ROBO1: variants seen among roughly 807,000 people sequenced by gnomAD.
The protein encoded by ROBO1 is roundabout homolog 1.
ROBO1 carries 149 observed loss-of-function variants against 195.9 expected under a neutral mutation model. The ratio of observed to expected loss-of-function variants is 0.76; its 90% confidence interval spans 0.67 to 0.87. The LOEUF (loss-of-function observed/expected upper bound fraction) is 0.87, where lower values mean the gene tolerates loss of function less well. ROBO1 is among the 40% of genes least tolerant of loss of function. The probability of loss-of-function intolerance (pLI) is 0.00; values close to 1 mark genes in which losing one functional copy is unlikely to be tolerated. For missense variants in ROBO1, 1,933 were observed against 2,068.3 expected (o/e 0.93, Z 1.27); for synonymous variants, 816 against 733.2 (o/e 1.11, Z -1.82).
intron 2 of ROBO1, among the ~76,000 whole-genome samples, chr3:79,203,773 G>A (rs999473670): frequency 1.3e-5 from 2 of 152,294 alleles, no homozygotes; most frequent in Middle Eastern, 3.4e-3. Context: ...CACCAGAGGT[G>A]CAGAGGATTA....
At chr3:78,945,143 T>C (rs2040357295) in intron 3 of ROBO1, among the ~76,000 whole-genome samples, 2 of 152,156 alleles carry the variant, frequency 1.3e-5, no homozygotes, top group Admixed American at 6.5e-5. Context: ...GATTTAAATG[T>C]CCCTCTCTGA....
At chr3:79,136,448 A>T (rs1196242253) in intron 2 of ROBO1, among the ~76,000 whole-genome samples, 2 of 152,170 alleles carry the variant, frequency 1.3e-5, no homozygotes, top group East Asian at 3.9e-4. Context: ...CATTTTAAAG[A>T]TGACCATTAA....
At chr3:79,766,829 C>T (rs1464151524) in intron 1 of ROBO1, among the ~76,000 whole-genome samples, 3 of 152,286 alleles carry the variant, frequency 2.0e-5, no homozygotes, top group Non-Finnish European at 1.5e-5. Context: ...AATGCAGAGG[C>T]TCCTGGACCT....
At chr3:79,419,961 A>G (rs2038160104) in intron 2 of ROBO1, among the ~76,000 whole-genome samples, 1 of 152,120 alleles carries the variant, frequency 6.6e-6, no homozygotes, top group Admixed American at 6.6e-5. Flanking sequence ...TTTATTTCTA[A>G]TCTATGAAAT....
intron 4 of ROBO1, among the ~76,000 whole-genome samples, chr3:78,929,170 C>A (rs1359219874): frequency 6.6e-6 from 1 of 151,664 alleles, no homozygotes; most frequent in Non-Finnish European, 1.5e-5. Flanking sequence ...CAATTTAAAC[C>A]CTGGGTTAAA....
chr3:79,521,364 G>A (rs1265760043), intron 2 of ROBO1, among the ~76,000 whole-genome samples: 1 of 152,138 alleles, frequency 6.6e-6, no homozygotes, highest in Non-Finnish European at 1.5e-5. Context: ...TTTCCTTGAG[G>A]TAGAGAATAC....
chr3:79,086,641 A>G (rs976980752), intron 3 of ROBO1, among the ~76,000 whole-genome samples: 1 of 152,166 alleles, frequency 6.6e-6, no homozygotes, highest in African/African-American at 2.4e-5. Context: ...GATCATTAGG[A>G]AATGCAGCGA....
chr3:79,347,282 C>A (rs552628341), intron 2 of ROBO1, among the ~76,000 whole-genome samples: 1 of 152,072 alleles, frequency 6.6e-6, no homozygotes, highest in Non-Finnish European at 1.5e-5. Context: ...TCCTCTTCAA[C>A]GTGTGTGTGT....
At chr3:79,491,186 G>T (rs371995695) in intron 2 of ROBO1, among the ~76,000 whole-genome samples, 1 of 150,574 alleles carries the variant, frequency 6.6e-6, no homozygotes, top group Non-Finnish European at 1.5e-5. Context: ...TGCTTGGGGG[G>T]AAAAATGGAA....
At chr3:78,953,553 A>C (rs2040895924) in intron 3 of ROBO1, among the ~76,000 whole-genome samples, 1 of 152,024 alleles carries the variant, frequency 6.6e-6, no homozygotes, top group South Asian at 2.1e-4. Flanking sequence ...GGGAGGCAGA[A>C]ATATTAACAA....
At chr3:79,654,398 C>G (rs6419737) in intron 1 of ROBO1, among the ~76,000 whole-genome samples, 89,107 of 151,648 alleles carry the variant, frequency 0.59, 26,558 homozygotes, top group African/African-American at 0.67. Context: ...AATACAATAG[C>G]CTTCTATTCC....
At chr3:79,447,917 A>T (rs1206692583) in intron 2 of ROBO1, among the ~76,000 whole-genome samples, 1 of 152,146 alleles carries the variant, frequency 6.6e-6, no homozygotes, top group Non-Finnish European at 1.5e-5. Context: ...CTAGTACTAC[A>T]TCTACTAACT....
intron 3 of ROBO1, among the ~76,000 whole-genome samples, chr3:78,972,955 G>A (rs2076801573): frequency 6.6e-6 from 1 of 152,232 alleles, no homozygotes; most frequent in African/African-American, 2.4e-5. Flanking sequence ...ACAGAAAAAA[G>A]ATTTGTCTGT....
chr3:79,761,941 T>C (rs1704721287), intron 1 of ROBO1, among the ~76,000 whole-genome samples: 1 of 152,162 alleles, frequency 6.6e-6, no homozygotes, highest in South Asian at 2.1e-4. Flanking sequence ...CCCCATATAT[T>C]CTATTGTAGT....
At chr3:79,113,567 A>G (rs2079933432) in intron 3 of ROBO1, among the ~76,000 whole-genome samples, 2 of 152,100 alleles carry the variant, frequency 1.3e-5, no homozygotes, top group Non-Finnish European at 2.9e-5. Context: ...CAGGAGTTCG[A>G]GTCCAGCCTG....
At chr3:78,911,216 T>G (rs918897850) in intron 4 of ROBO1, among the ~76,000 whole-genome samples, 6 of 152,076 alleles carry the variant, frequency 3.9e-5, no homozygotes, top group Middle Eastern at 3.4e-3. Context: ...AATAGATAAT[T>G]GCATCCATAC....
chr3:79,107,790 T>C (rs530934636), intron 3 of ROBO1, among the ~76,000 whole-genome samples: 1 of 151,794 alleles, frequency 6.6e-6, no homozygotes, highest in African/African-American at 2.4e-5. Flanking sequence ...TTCTAGCATG[T>C]TTGAGAAGTC....
intron 2 of ROBO1, among the ~76,000 whole-genome samples, chr3:79,283,885 G>T (rs1216186952): frequency 6.6e-6 from 1 of 151,770 alleles, no homozygotes; most frequent in Non-Finnish European, 1.5e-5. Flanking sequence ...TTTTAGTAGA[G>T]ACGGGGTTTC....
intron 2 of ROBO1, among the ~76,000 whole-genome samples, chr3:79,407,851 G>A (rs149597540): frequency 1.3e-5 from 2 of 151,986 alleles, no homozygotes; most frequent in Non-Finnish European, 1.5e-5. Context: ...AACATAATTC[G>A]ATGTATAGTG....
Sources: allele counts gnomAD v4.1 joint callset (sites outside exome capture counted in the v4.1 genomes callset), GRCh38; gene constraint gnomAD v4.1.1; transcripts MANE v1.5; gene names NCBI Gene and HGNC (gene_info 2026-07-23, HGNC 2026-07-21).